AP2S1: variants seen among roughly 807,000 people sequenced by gnomAD.
AP2S1 encodes the protein adaptor related protein complex 2 subunit sigma 1, also known as AP-2 complex subunit sigma.
In AP2S1, 6 loss-of-function variants were observed where a neutral mutation model predicts 21.0. That is an observed-to-expected ratio of 0.29 (90% CI 0.16 to 0.56). The LOEUF (loss-of-function observed/expected upper bound fraction) is 0.56. Ranked by LOEUF, AP2S1 falls within the 20% of genes least tolerant of loss-of-function variation. The pLI is 0.92. For missense variants in AP2S1, 60 were observed against 186.2 expected (o/e 0.32, Z 3.95); for synonymous variants, 63 against 74.6 (o/e 0.84, Z 0.80).
At chr19:46,850,466 G>C in intron 1 of AP2S1, 1 of 718,068 alleles carries the variant, frequency 1.4e-6, no homozygotes. Flanking sequence ...TGTGTCTCAC[G>C]AGTTTCCTCT....
intron 2 of AP2S1, 163 bp downstream of exon 2, chr19:46,845,830 A>G: frequency 1.2e-6 from 1 of 828,634 alleles, no homozygotes; most frequent in Non-Finnish European, 1.9e-6. Flanking sequence ...TGAAAAGTAC[A>G]AGTAAAGGAA....
chr19:46,838,401 A>G lies in AP2S1; in HGVS notation c.*46T>C. The G allele has an allele frequency of 1.3e-6, 2 of 1,584,752 alleles. No homozygotes were observed. On this transcript the variant is annotated 3_prime_UTR_variant, in exon 5 of 5. Coordinates refer to ENST00000263270, the MANE Select transcript of AP2S1 (RefSeq NM_004069.6). The surrounding 1 kb of genome is among the most constrained non-coding windows in gnomAD (Gnocchi z 4.1). ...ACGGGCCTGGGAAGGGGAAGCGAGCAGGCGAGTCCAGGAGGGGCCGGGGCC... is the reference window on the plus strand; with the variant it reads ...ACGGGCCTGGGAAGGGGAAGCGAGCGGGCGAGTCCAGGAGGGGCCGGGGCC...
At chr19:46,839,340 A>C (rs927588839) in intron 3 of AP2S1, 125 bp downstream of exon 3, 4 of 657,718 alleles carry the variant, frequency 6.1e-6, no homozygotes, top group African/African-American at 3.7e-5. Flanking sequence ...AAAGAAATGG[A>C]GAGGGAGAGT....
At position 46,839,825 on chromosome 19, in the gene AP2S1, CTGAT is replaced by C. The variant is rs71981331; in HGVS notation, c.154-251_154-248del. 0.26 allele frequency among the ~76,000 whole-genome samples: 37,657 copies of C among 144,042 alleles called. 4,886 individuals are homozygous for C. The highest frequency in any genetic ancestry group is 0.31 in the African/African-American group (11,657 of 37,028). 94.5% of individuals were successfully genotyped at this position (144,042 alleles called of 152,430 possible). A position where few individuals can be genotyped will look rare whatever the true frequency, so the allele number is the denominator to read the frequency against. On this transcript the variant is annotated intron_variant, in intron 2 of 4. Coordinates refer to ENST00000263270, the MANE Select transcript of AP2S1 (RefSeq NM_004069.6). ...GCCCAAAGAGGGTGCCTAACCCCCT[CTGAT>C]CCTGGAGAGTCAGGAGGGCTTCCTG...
rs2055447050 is a variant in AP2S1, at chr19:46,838,297, G to A, written c.*150C>T. On this transcript the variant is annotated 3_prime_UTR_variant, in exon 5 of 5. Coordinates refer to ENST00000263270, the MANE Select transcript of AP2S1 (RefSeq NM_004069.6). The surrounding 1 kb of genome is among the most constrained non-coding windows in gnomAD (Gnocchi z 4.1). ...AGCCAGGGCCCAGAGGCAGTGGGGT[G>A]CAGTCTCCTCCCTTGTGGCCCAGAC... 1 of 673,734 alleles carries A rather than the reference G, an allele frequency of 1.5e-6. No individual in the cohort carries two copies. Among genetic ancestry groups the A allele is most frequent in the Admixed American group, 2.5e-5 (1 of 40,352 alleles). The allele number at this position is 673,734 out of a possible 1,614,324, so 41.7% of individuals were successfully genotyped here. A position where few individuals can be genotyped will look rare whatever the true frequency, so the allele number is the denominator to read the frequency against.
At position 46,838,291 on chromosome 19, in the gene AP2S1, T is replaced by C; in HGVS notation, c.*156A>G. 1.5e-6 allele frequency: 1 copy of C among 649,266 alleles called. No individual in the cohort carries two copies. Among genetic ancestry groups the C allele is most frequent in the Non-Finnish European group, 2.7e-6 (1 of 371,024 alleles). The allele number at this position is 649,266 out of a possible 1,614,324, so 40.2% of individuals were successfully genotyped here. On this transcript the variant is annotated 3_prime_UTR_variant, in exon 5 of 5. Coordinates refer to ENST00000263270, the MANE Select transcript of AP2S1 (RefSeq NM_004069.6). This position sits in a 1 kb window ranked among gnomAD's most constrained non-coding sequence, Gnocchi z 4.1. ...GCCCACAGCCAGGGCCCAGAGGCAG[T>C]GGGGTGCAGTCTCCTCCCTTGTGGC... is the stretch of plus-strand genomic sequence containing the variant.
intron 2 of AP2S1, among the ~76,000 whole-genome samples, chr19:46,843,880 C>T (rs372350428): frequency 2.6e-5 from 4 of 151,938 alleles, no homozygotes; most frequent in East Asian, 1.9e-4. Flanking sequence ...AGAGCAAGAC[C>T]GTGTCTCTAA....
In AP2S1 at chr19:46,839,286, C is replaced by CAAAAAAAAAAAAAAAAAAAAAAAA. The variant is rs771792607; in HGVS notation, c.267+155_267+178dup. Among the ~76,000 whole-genome samples, 11 of 72,922 alleles carry CAAAAAAAAAAAAAAAAAAAAAAAA rather than the reference C, an allele frequency of 1.5e-4. 1 individual carries two copies. Among genetic ancestry groups the CAAAAAAAAAAAAAAAAAAAAAAAA allele is most frequent in the South Asian group, 5.0e-4 (1 of 2,002 alleles). The allele number at this position is 72,922 out of a possible 152,430, so 47.8% of individuals were successfully genotyped here. A position where few individuals can be genotyped will look rare whatever the true frequency, so the allele number is the denominator to read the frequency against. On this transcript the variant is annotated intron_variant, in intron 3 of 4. Transcript: ENST00000263270. Reference sequence around the variant, plus strand: ...TGGGCGACAGAACAAGACTCCGTCTCAAAAAAAAAAAAAAAAAAAAAAAAA... The same window carrying CAAAAAAAAAAAAAAAAAAAAAAAA: ...TGGGCGACAGAACAAGACTCCGTCTCAAAAAAAAAAAAAAAAAAAAAAAAAAAAAAAAAAAAAAAAAAAAAAAAA...
At chr19:46,839,847 G>A (rs2055486676) in intron 2 of AP2S1, among the ~76,000 whole-genome samples, 2 of 150,278 alleles carry the variant, frequency 1.3e-5, no homozygotes, top group South Asian at 2.1e-4. Flanking sequence ...AGTCAGGAGG[G>A]CTTCCTGGAG....
At chr19:46,843,816 C>T (rs2055570351) in intron 2 of AP2S1, among the ~76,000 whole-genome samples, 1 of 152,108 alleles carries the variant, frequency 6.6e-6, no homozygotes, top group Non-Finnish European at 1.5e-5. Context: ...CTTGCTTGAG[C>T]CTGGGAGGGT....
chr19:46,846,431 ATC>A (rs1015714760), intron 1 of AP2S1, among the ~76,000 whole-genome samples: 5 of 135,958 alleles, frequency 3.7e-5, no homozygotes, highest in Admixed American at 7.4e-5. Flanking sequence ...ACCACCTCTT[ATC>A]TCTCTCTGTT....
chr19:46,842,181 AAAT>A (rs982686112), intron 2 of AP2S1, among the ~76,000 whole-genome samples: 5 of 151,922 alleles, frequency 3.3e-5, no homozygotes, highest in African/African-American at 4.8e-5. Context: ...ACCCTGTCTC[AAAT>A]AATAATAATA....
chr19:46,850,539 AC>A, intron 1 of AP2S1: 2 of 615,086 alleles, frequency 3.3e-6, no homozygotes, highest in Non-Finnish European at 5.4e-6. Flanking sequence ...CCCTTGGAAC[AC>A]CACCCCCAAT....
At chr19:46,850,663 A>C in intron 1 of AP2S1, 101 bp downstream of exon 1, 1 of 1,125,062 alleles carries the variant, frequency 8.9e-7, no homozygotes. Flanking sequence ...GACCCAGACC[A>C]TCCGCGGCAG....
Position 46,850,797 on chromosome 19 carries a change from G to C in AP2S1, c.-31C>G, listed in dbSNP as rs1313755045. On this transcript the variant is annotated 5_prime_UTR_variant, in exon 1 of 5. Coordinates refer to ENST00000263270, the MANE Select transcript of AP2S1 (RefSeq NM_004069.6). Reference sequence around the variant, plus strand: ...CCCCCGTCCAGACCCCAGCGGCCCCGGTCCCGCGGCGACTGGGCAGCTCCG... The same window carrying C: ...CCCCCGTCCAGACCCCAGCGGCCCCCGTCCCGCGGCGACTGGGCAGCTCCG... The C allele has an allele frequency of 6.4e-7, 1 of 1,553,202 alleles. No homozygotes were observed. Among genetic ancestry groups the C allele is most frequent in the Admixed American group, 1.9e-5 (1 of 52,666 alleles).
Position 46,850,211 on chromosome 19 carries a change from C to T in AP2S1, c.3+553G>A. 3 of 1,232,596 alleles carry T rather than the reference C, an allele frequency of 2.4e-6. No homozygotes were observed. The South Asian group carries it at 1.2e-4, about 50-fold the overall frequency. 76.4% of individuals were successfully genotyped at this position (1,232,596 alleles called of 1,614,324 possible). On this transcript the variant is annotated intron_variant, in intron 1 of 4. Transcript: ENST00000263270. ...CCCTACAGTTGCCTCCTTTTGGTTT[C>T]CTGTGCCAGGTCTCTTCTTGAGATC...
intron 3 of AP2S1, 76 bp downstream of exon 3, chr19:46,839,389 G>A (rs1396552896): frequency 6.5e-7 from 1 of 1,537,736 alleles, no homozygotes; most frequent in East Asian, 2.3e-5. Context: ...AGGGACCAGG[G>A]AGGGTTCCCA....
At chr19:46,839,803 C>G in intron 2 of AP2S1, 1 of 707,104 alleles carries the variant, frequency 1.4e-6, no homozygotes. Context: ...TGTGAGAGCC[C>G]AAAGAGGGTG....
rs538065644 is a variant in AP2S1, at chr19:46,846,834, G to A, written c.4-692C>T. Among the ~76,000 whole-genome samples, 226 of 151,968 alleles carry A rather than the reference G, an allele frequency of 1.5e-3. 1 individual carries two copies. The highest frequency in any genetic ancestry group is 5.2e-3 in the African/African-American group (214 of 41,464). ...GCACCCGCCACCACGCCTGGAAAAT[G>A]TTTGTATTTTTGGTAGAGACGGGGT... On this transcript the variant is annotated intron_variant, in intron 1 of 4. Coordinates refer to ENST00000263270, the MANE Select transcript of AP2S1 (RefSeq NM_004069.6).
Sources: gnomAD v4.1 joint callset for allele counts (sites outside exome capture counted in the v4.1 genomes callset) on GRCh38, gnomAD v4.1.1 for gene constraint, Gnocchi (gnomAD v3.1) non-coding constraint, MANE v1.5 for transcripts, NCBI Gene and HGNC (gene_info 2026-07-23, HGNC 2026-07-21) for gene names.